The following LMF1 variants were observed in gnomAD, a reference collection of about 807,000 sequenced individuals.
The protein encoded by LMF1 is transmembrane protein 112.
LMF1 carries 68 observed loss-of-function variants against 60.6 expected under a neutral mutation model. The ratio of observed to expected loss-of-function variants is 1.12; its 90% confidence interval spans 0.92 to 1.37. The LOEUF (loss-of-function observed/expected upper bound fraction) is 1.37. LMF1 is among the 40% of genes most tolerant of loss of function. The probability of loss-of-function intolerance (pLI) is 0.00; values close to 1 mark genes in which losing one functional copy is unlikely to be tolerated. For synonymous variants in LMF1, 418 were observed against 324.7 expected (o/e 1.29, Z -3.09); for missense variants, 948 against 767.2 (o/e 1.24, Z -2.78).
At position 954,677 on chromosome 16, in the gene LMF1, A is replaced by C; in HGVS notation, c.194-11T>G. On this transcript the variant is annotated splice_polypyrimidine_tract_variant and intron_variant, in intron 1 of 10. Transcript: ENST00000262301. ...CCAGGAATGCCACGACTGGAAGAAA[A>C]AGAAGACAAAACAAGCATGACTAGG... 6.3e-7 allele frequency: 1 copy of C among 1,576,738 alleles called. No homozygotes were observed. Among genetic ancestry groups the C allele is most frequent in the Non-Finnish European group, 8.6e-7 (1 of 1,161,412 alleles).
intron 2 of LMF1, among the ~76,000 whole-genome samples, chr16:936,069 G>C (rs1449280046): frequency 6.7e-6 from 1 of 150,118 alleles, no homozygotes; most frequent in Non-Finnish European, 1.5e-5. Flanking sequence ...TCACTCCAGA[G>C]GAAGAAGGCT....
chr16:942,427 T>C (rs2072123630), intron 2 of LMF1, among the ~76,000 whole-genome samples: 1 of 152,280 alleles, frequency 6.6e-6, no homozygotes, highest in Admixed American at 6.5e-5. Flanking sequence ...TACACATTTA[T>C]ATCATTCAGC....
intron 4 of LMF1, among the ~76,000 whole-genome samples, chr16:895,008 G>A (rs1156666595): frequency 6.6e-6 from 1 of 152,136 alleles, no homozygotes; most frequent in African/African-American, 2.4e-5. Context: ...GGGTGAGGGC[G>A]CCCCCCTCAG....
At position 911,259 on chromosome 16, in the gene LMF1, G is replaced by C. The variant is rs985977084; in HGVS notation, c.515-180C>G. On this transcript the variant is annotated intron_variant, in intron 3 of 10. Coordinates refer to ENST00000262301, the MANE Select transcript of LMF1 (RefSeq NM_022773.4). ...GACACGCAAGGTCAGGTCTGCAGGA[G>C]TGGGAGCTCTGGCGTGGGACCCAGG... The C allele has an allele frequency of 1.2e-5, 9 of 779,942 alleles. No individual in the cohort carries two copies. The African/African-American group carries it at 1.4e-4, about 12-fold the overall frequency. The allele number at this position is 779,942 out of a possible 1,614,324, so 48.3% of individuals were successfully genotyped here. A position where few individuals can be genotyped will look rare whatever the true frequency, so the allele number is the denominator to read the frequency against.
chr16:936,303 C>T (rs548042691), intron 2 of LMF1, among the ~76,000 whole-genome samples: 6 of 122,880 alleles, frequency 4.9e-5, no homozygotes, highest in South Asian at 2.9e-4. Context: ...GAGGGCACCC[C>T]GTGGGCTGAG....
Position 913,867 on chromosome 16 carries a change from G to T in LMF1, c.515-2788C>A, listed in dbSNP as rs112506388. Reference sequence around the variant, plus strand: ...CATGGGGCAGCCCGAGGCACATGGCGAGGCCAGGGCCAGACCTGCAGGCCC... The same window carrying T: ...CATGGGGCAGCCCGAGGCACATGGCTAGGCCAGGGCCAGACCTGCAGGCCC... On this transcript the variant is annotated intron_variant, in intron 3 of 10. Coordinates refer to ENST00000262301, the MANE Select transcript of LMF1 (RefSeq NM_022773.4). Among the ~76,000 whole-genome samples, 158 of 152,384 alleles carry T rather than the reference G, an allele frequency of 1.0e-3. 1 individual carries two copies. In the Middle Eastern group the frequency reaches 0.014, roughly 13 times the overall value.
At chr16:879,534 T>A (rs1230466114) in intron 6 of LMF1, 36 bp downstream of exon 6, 11 of 1,607,004 alleles carry the variant, frequency 6.8e-6, no homozygotes, top group Non-Finnish European at 9.4e-6. Context: ...CCAGCGTCTC[T>A]GTGGACACGG....
chr16:976,621 A>T, intron 1 of LMF1: 1 of 454,054 alleles, frequency 2.2e-6, no homozygotes, highest in South Asian at 1.6e-5. Context: ...AAGTGCAGAG[A>T]GCAAATGCGT....
At chr16:952,025 C>T (rs1032802823) in intron 2 of LMF1, among the ~76,000 whole-genome samples, 4 of 152,350 alleles carry the variant, frequency 2.6e-5, no homozygotes, top group Non-Finnish European at 4.4e-5. Flanking sequence ...CCACTTCAGC[C>T]TGTGCTGACA....
intron 2 of LMF1, among the ~76,000 whole-genome samples, chr16:953,109 C>CCACT (rs1597065658): frequency 8.7e-6 from 1 of 114,738 alleles, no homozygotes; most frequent in African/African-American, 3.5e-5. Context: ...ACACAGACAC[C>CCACT]CCAAACCAGC....
chr16:925,146 C>T (rs1030695711), intron 3 of LMF1, among the ~76,000 whole-genome samples: 2 of 152,240 alleles, frequency 1.3e-5, no homozygotes, highest in African/African-American at 4.8e-5. Context: ...TGCTCACTGT[C>T]ACTGTCACTA....
At chr16:944,483 G>A (rs1029790800) in intron 2 of LMF1, among the ~76,000 whole-genome samples, 6 of 152,232 alleles carry the variant, frequency 3.9e-5, no homozygotes, top group Non-Finnish European at 8.8e-5. Flanking sequence ...TCTGCTGGGT[G>A]CCCTAGCTGT....
intron 6 of LMF1, 42 bp downstream of exon 6, chr16:879,528 C>A: frequency 6.2e-7 from 1 of 1,600,574 alleles, no homozygotes; most frequent in Non-Finnish European, 8.5e-7. Flanking sequence ...GACGGGCCAG[C>A]GTCTCTGTGG....
chr16:854,011 C>A lies in LMF1; in HGVS notation c.*521G>T, dbSNP rs1367124846. On this transcript the variant is annotated 3_prime_UTR_variant, in exon 11 of 11. Transcript: ENST00000262301. ...AAAATGGCCCATCCAACCCCACATC[C>A]TGGCCGGGCGTGTCCAGGTCCCTGT... is the stretch of plus-strand genomic sequence containing the variant. The A allele has an allele frequency of 2.2e-6, 1 of 454,144 alleles. No individual in the cohort carries two copies. The allele number at this position is 454,144 out of a possible 1,614,324, so 28.1% of individuals were successfully genotyped here. A position where few individuals can be genotyped will look rare whatever the true frequency, so the allele number is the denominator to read the frequency against.
upstream of LMF1, among the ~76,000 whole-genome samples, chr16:974,065 G>A (rs1020385226): frequency 1.3e-5 from 2 of 151,908 alleles, no homozygotes; most frequent in Non-Finnish European, 2.9e-5. Flanking sequence ...GCCCTGCACT[G>A]GTGTTTCAGA....
chr16:963,506 T>C (rs1423249512), intron 1 of LMF1, among the ~76,000 whole-genome samples: 1 of 152,036 alleles, frequency 6.6e-6, no homozygotes, highest in East Asian at 1.9e-4. Flanking sequence ...TGTGCACATG[T>C]ACACATGTAT....
At chr16:937,067 GGGGTGAGTC>G in intron 2 of LMF1, among the ~76,000 whole-genome samples, 8 of 152,316 alleles carry the variant, frequency 5.3e-5, no homozygotes, top group Middle Eastern at 3.4e-3. Flanking sequence ...GTGCAGAGAA[GGGGTGAGTC>G]CAGACGCAGC....
intron 10 of LMF1, among the ~76,000 whole-genome samples, chr16:857,229 G>A (rs956787189): frequency 2.0e-5 from 3 of 152,218 alleles, no homozygotes; most frequent in Non-Finnish European, 4.4e-5. Context: ...ACCTCTGCAC[G>A]GGTTTCTGCG....
intron 5 of LMF1, among the ~76,000 whole-genome samples, chr16:888,814 C>G (rs2070389042): frequency 6.6e-6 from 1 of 152,160 alleles, no homozygotes; most frequent in African/African-American, 2.4e-5. Context: ...TTAGGGACAG[C>G]TACATGGGGA....
Sources: gnomAD v4.1 joint callset for allele counts (sites outside exome capture counted in the v4.1 genomes callset) on GRCh38, gnomAD v4.1.1 for gene constraint, MANE v1.5 for transcripts, NCBI Gene and HGNC (gene_info 2026-07-23, HGNC 2026-07-21) for gene names.